KCNH1: variants seen among roughly 807,000 people sequenced by gnomAD.
KCNH1 encodes the protein potassium voltage-gated channel subfamily H member 1.
A neutral mutation model predicts 69.2 loss-of-function variants in KCNH1; 27 were observed. The observed-to-expected ratio is 0.39, with a 90% confidence interval of 0.29 to 0.54. KCNH1 has a LOEUF of 0.54. Among genes scored for constraint, KCNH1 ranks in the 20% least tolerant of loss-of-function variants. KCNH1 has a pLI of 0.68. For missense variants in KCNH1, 798 were observed against 1,261.6 expected (o/e 0.63, Z 5.57); for synonymous variants, 456 against 487.7 (o/e 0.93, Z 0.86).
At chr1:211,103,719 C>G (rs1691303640) in intron 2 of KCNH1, 117 bp from the exon 3 acceptor site, 3 of 621,780 alleles carry the variant, frequency 4.8e-6, no homozygotes, top group Admixed American at 3.5e-5. Context: ...CACACACACA[C>G]ACAATGAAAA....
At chr1:210,746,515 C>T (rs142048237) in intron 10 of KCNH1, among the ~76,000 whole-genome samples, 201 of 152,182 alleles carry the variant, frequency 1.3e-3, no homozygotes, top group African/African-American at 4.8e-3. Flanking sequence ...CAGGACAGCA[C>T]GGGGGCTGCA....
intron 6 of KCNH1, among the ~76,000 whole-genome samples, chr1:210,951,059 T>A (rs1394603531): frequency 1.3e-5 from 2 of 152,186 alleles, no homozygotes; most frequent in African/African-American, 4.8e-5. Flanking sequence ...TCATTCTTAA[T>A]TAAAAGTCGG....
At chr1:210,867,325 A>G (rs2102489751) in intron 7 of KCNH1, among the ~76,000 whole-genome samples, 1 of 139,034 alleles carries the variant, frequency 7.2e-6, no homozygotes, top group East Asian at 2.1e-4. Context: ...TTATATGTAT[A>G]TGTTTACACA....
intron 10 of KCNH1, among the ~76,000 whole-genome samples, chr1:210,702,450 AT>A (rs1681805024): frequency 6.6e-6 from 1 of 151,734 alleles, no homozygotes; most frequent in African/African-American, 2.4e-5. Flanking sequence ...CTTTGACTGC[AT>A]TTTCCAGACT....
chr1:211,040,157 C>G (rs1010230733), intron 5 of KCNH1, among the ~76,000 whole-genome samples: 10 of 146,442 alleles, frequency 6.8e-5, no homozygotes, highest in Admixed American at 2.1e-4. Flanking sequence ...TGCCACTGCA[C>G]TCTAGTCTGG....
intron 7 of KCNH1, among the ~76,000 whole-genome samples, chr1:210,864,020 G>C (rs1272650883): frequency 3.3e-5 from 5 of 152,236 alleles, no homozygotes; most frequent in African/African-American, 1.2e-4. Context: ...CTGGATCAGT[G>C]CAGGATGGAA....
chr1:210,910,231 C>A (rs1226480663), intron 7 of KCNH1, among the ~76,000 whole-genome samples: 2 of 135,876 alleles, frequency 1.5e-5, no homozygotes, highest in Non-Finnish European at 3.0e-5. Context: ...GTTGCAATCC[C>A]TGTCTTTTGA....
intron 5 of KCNH1, among the ~76,000 whole-genome samples, chr1:211,068,389 A>G (rs1690572104): frequency 6.6e-6 from 1 of 152,142 alleles, no homozygotes; most frequent in Non-Finnish European, 1.5e-5. Flanking sequence ...ACAATCTGAA[A>G]AATCAACTTT....
At chr1:210,805,056 C>A (rs1684506513) in intron 7 of KCNH1, among the ~76,000 whole-genome samples, 1 of 152,186 alleles carries the variant, frequency 6.6e-6, no homozygotes, top group Non-Finnish European at 1.5e-5. Context: ...TCCTATACAC[C>A]TTTTGCCCTC....
At chr1:211,011,572 T>C (rs925050028) in intron 6 of KCNH1, among the ~76,000 whole-genome samples, 7 of 152,214 alleles carry the variant, frequency 4.6e-5, no homozygotes, top group African/African-American at 1.7e-4. Flanking sequence ...TCTACAATGG[T>C]TGAACTCTTG....
intron 5 of KCNH1, among the ~76,000 whole-genome samples, chr1:211,072,434 A>G (rs756679727): frequency 2.0e-5 from 3 of 152,232 alleles, no homozygotes; most frequent in Non-Finnish European, 4.4e-5. Flanking sequence ...AAACAGCATC[A>G]GAGAAGGAAT....
chr1:210,775,273 T>G, intron 10 of KCNH1, 75 bp downstream of exon 10: 2 of 1,311,600 alleles, frequency 1.5e-6, no homozygotes. Context: ...GCAAAGGGAC[T>G]TTTCTGGTCA....
In KCNH1 at chr1:210,886,254, G is replaced by T. The variant is rs549705209; in HGVS notation, c.1462+33386C>A. 3.3e-5 allele frequency among the ~76,000 whole-genome samples: 5 copies of T among 152,244 alleles called. No homozygotes were observed. The South Asian group carries it at 1.0e-3, about 32-fold the overall frequency. ...CTGCTGGTGATACCCAGGCAAACAG[G>T]GTCTGGAGTGGACCTCCAGCAAACT... On this transcript the variant is annotated intron_variant, in intron 7 of 10. Transcript: ENST00000271751.
At chr1:210,735,016 C>G (rs1682839056) in intron 10 of KCNH1, among the ~76,000 whole-genome samples, 1 of 152,170 alleles carries the variant, frequency 6.6e-6, no homozygotes, top group African/African-American at 2.4e-5. Context: ...CTCTTCTTCT[C>G]CCTGCAGTCC....
At chr1:211,107,011 C>T (rs185202528) in intron 2 of KCNH1, among the ~76,000 whole-genome samples, 1 of 152,224 alleles carries the variant, frequency 6.6e-6, no homozygotes, top group East Asian at 1.9e-4. Context: ...AATGGTTTTC[C>T]TGAGTTCTTC....
intron 7 of KCNH1, among the ~76,000 whole-genome samples, chr1:210,810,091 A>G (rs1256510558): frequency 6.6e-6 from 1 of 152,048 alleles, no homozygotes; most frequent in Non-Finnish European, 1.5e-5. Context: ...TTTATGAGAC[A>G]TCTTCTAATA....
At chr1:210,932,566 G>A (rs993840454) in intron 6 of KCNH1, among the ~76,000 whole-genome samples, 4 of 151,958 alleles carry the variant, frequency 2.6e-5, no homozygotes, top group African/African-American at 9.7e-5. Context: ...ATACACATTG[G>A]ATGAATGAAT....
At chr1:210,896,322 C>A (rs1339118405) in intron 7 of KCNH1, among the ~76,000 whole-genome samples, 1 of 152,028 alleles carries the variant, frequency 6.6e-6, no homozygotes, top group Admixed American at 6.6e-5. Flanking sequence ...TACTGACAAA[C>A]CCCTACCATC....
At chr1:210,904,990 A>G (rs548762483) in intron 7 of KCNH1, among the ~76,000 whole-genome samples, 1 of 152,166 alleles carries the variant, frequency 6.6e-6, no homozygotes, top group Non-Finnish European at 1.5e-5. Flanking sequence ...GTTCATCAGA[A>G]GGTTTACCAT....
Sources: allele counts gnomAD v4.1 joint callset (sites outside exome capture counted in the v4.1 genomes callset), GRCh38; gene constraint gnomAD v4.1.1; transcripts MANE v1.5; gene names NCBI Gene and HGNC (gene_info 2026-07-23, HGNC 2026-07-21).